MXD4: variants seen among roughly 807,000 people sequenced by gnomAD.
MXD4 encodes Mad4 homolog.
Under a neutral mutation model 24.5 loss-of-function variants are expected in MXD4, and 16 were observed. The observed-to-expected ratio is 0.65, with a 90% CI of 0.44 to 0.99. The LOEUF is 0.99. Ranked by LOEUF, MXD4 falls within the 50% of genes least tolerant of loss-of-function variation. The probability of loss-of-function intolerance (pLI) is 0.00; values close to 1 mark genes in which losing one functional copy is unlikely to be tolerated. For missense variants in MXD4, 301 were observed against 301.5 expected, an observed-to-expected ratio of 1.00 and a Z score of 0.01; for synonymous variants, 164 against 134.2, an observed-to-expected ratio of 1.22 and a Z score of -1.54.
intron 3 of MXD4, among the ~76,000 whole-genome samples, chr4:2,255,597 A>T (rs1449663015): frequency 5.3e-5 from 8 of 151,896 alleles, no homozygotes; most frequent in Admixed American, 5.2e-4. Context: ...GCTCCTGCTG[A>T]GCCCTCCCCT....
intron 2 of MXD4, among the ~76,000 whole-genome samples, chr4:2,258,600 G>GC (rs1261205732): frequency 2.0e-5 from 3 of 152,200 alleles, no homozygotes; most frequent in Non-Finnish European, 4.4e-5. Flanking sequence ...CAGAGACCAG[G>GC]CCCTCAGGAC....
chr4:2,251,354 G>C, intron 4 of MXD4, 108 bp from the exon 5 acceptor site: 6 of 1,329,688 alleles, frequency 4.5e-6, no homozygotes, highest in Middle Eastern at 5.2e-4. Flanking sequence ...CCCCATCCCT[G>C]CCAAGACCTA....
chr4:2,257,198 T>C (rs1434878680), intron 3 of MXD4, among the ~76,000 whole-genome samples: 1 of 152,046 alleles, frequency 6.6e-6, no homozygotes, highest in African/African-American at 2.4e-5. Context: ...ACCAAATCTT[T>C]CTGGAGGGGA....
intron 3 of MXD4, among the ~76,000 whole-genome samples, chr4:2,255,544 ACCCCTCTGAGCCATGAAG>A (rs1735408612): frequency 6.6e-6 from 1 of 150,408 alleles, no homozygotes; most frequent in Admixed American, 6.6e-5. Context: ...ATCCCCACCC[ACCCCTCTGAGCCATGAAG>A]CCCCTCAGCC....
At chr4:2,260,936 TCC>T in intron 2 of MXD4, among the ~76,000 whole-genome samples, 1 of 152,136 alleles carries the variant, frequency 6.6e-6, no homozygotes, top group East Asian at 1.9e-4. Flanking sequence ...GGGTCCCCAC[TCC>T]CCACGCGGGG....
intron 2 of MXD4, among the ~76,000 whole-genome samples, chr4:2,261,465 C>T (rs1735543233): frequency 6.6e-6 from 1 of 150,886 alleles, no homozygotes; most frequent in Admixed American, 6.6e-5. Flanking sequence ...CGGACCCCGG[C>T]GGCGGGCGCT....
intron 4 of MXD4, 28 bp downstream of exon 4, chr4:2,252,380 G>T (rs1735340872): frequency 3.2e-6 from 5 of 1,569,400 alleles, no homozygotes; most frequent in Non-Finnish European, 4.4e-6. Flanking sequence ...AGCCAGACAG[G>T]GCAGGGTGGA....
Position 2,249,449 on chromosome 4 carries a change from G to GT in MXD4, c.*1094dup, listed in dbSNP as rs60389931. Reference sequence around the variant, plus strand: ...TTAGGCTTTCTTCTTTTTAAAAATGGTTTTTTTTTTTTTTCTGGGAAAGCC... The same window carrying GT: ...TTAGGCTTTCTTCTTTTTAAAAATGGTTTTTTTTTTTTTTTCTGGGAAAGCC... On this transcript the variant is annotated 3_prime_UTR_variant, in exon 6 of 6. Transcript: ENST00000337190. 0.053 allele frequency: 7,769 copies of GT among 145,308 alleles called. 222 individuals carry two copies. Among genetic ancestry groups the GT allele is most frequent in the Non-Finnish European group, 0.066 (4,352 of 65,776 alleles). 9.0% of individuals were successfully genotyped at this position (145,308 alleles called of 1,614,324 possible). A position where few individuals can be genotyped will look rare whatever the true frequency, so the allele number is the denominator to read the frequency against.
At chr4:2,259,181 G>A (rs1471463798) in intron 2 of MXD4, 1 of 334,368 alleles carries the variant, frequency 3.0e-6, no homozygotes, top group Non-Finnish European at 6.0e-6. Flanking sequence ...GCCTGCTTCA[G>A]GAACTTGGGA....
chr4:2,257,879 G>C, intron 3 of MXD4, 103 bp downstream of exon 3: 1 of 1,468,944 alleles, frequency 6.8e-7, no homozygotes, highest in Non-Finnish European at 9.4e-7. Flanking sequence ...TGGCAGCACG[G>C]CTGGCCGTGC....
At chr4:2,254,568 G>C (rs571569518) in intron 3 of MXD4, 3 of 152,214 alleles carry the variant, frequency 2.0e-5, no homozygotes, top group Non-Finnish European at 4.4e-5. Context: ...ACACAGCTGA[G>C]AGACAAAGAA....
At chr4:2,256,505 C>T (rs904799514) in intron 3 of MXD4, among the ~76,000 whole-genome samples, 9 of 152,220 alleles carry the variant, frequency 5.9e-5, no homozygotes, top group African/African-American at 2.2e-4. Context: ...CAGCCAAGAG[C>T]AGCTGGCATC....
intron 2 of MXD4, chr4:2,258,972 G>T: frequency 2.2e-6 from 1 of 455,754 alleles, no homozygotes; most frequent in Non-Finnish European, 4.4e-6. Flanking sequence ...GAGGCAGGGG[G>T]ACCTCGCTCC....
chr4:2,259,910 C>T (rs977911980), intron 2 of MXD4, among the ~76,000 whole-genome samples: 1 of 152,204 alleles, frequency 6.6e-6, no homozygotes, highest in African/African-American at 2.4e-5. Flanking sequence ...ACACTGTCCT[C>T]CGGCCCCACT....
At chr4:2,252,368 G>A (rs1339309866) in intron 4 of MXD4, 40 bp downstream of exon 4, 5 of 1,531,422 alleles carry the variant, frequency 3.3e-6, no homozygotes, top group East Asian at 2.2e-5. Context: ...GGACACTGAG[G>A]CAGCCAGACA....
Position 2,251,160 on chromosome 4 carries a change from C to G in MXD4, c.396G>C (p.Gln132His), listed in dbSNP as rs2108788198. ...CGCGCTCCACGCTCTGCACCGACAG[C>G]TGCTCCAGGCGCCGCTTCAGGAAAC... Reference protein sequence around the residue: ...EHRFLKRRLEQLSVQSVERVR... With the variant: ...EHRFLKRRLEHLSVQSVERVR... Residue 132 changes from glutamine (Q) to histidine (H), a missense_variant, in exon 5 of 6, where the codon CAG becomes CAC. Physicochemically the swap from Gln to His is conservative, Grantham distance 24. Coordinates refer to ENST00000337190, the MANE Select transcript of MXD4 (RefSeq NM_006454.3). The G allele has an allele frequency of 1.9e-6, 3 of 1,600,784 alleles. No homozygotes were observed. The highest frequency in any genetic ancestry group is 4.5e-5 in the East Asian group (2 of 44,250).
intron 5 of MXD4, 93 bp downstream of exon 5, chr4:2,250,991 G>A: frequency 2.1e-6 from 3 of 1,409,984 alleles, no homozygotes; most frequent in Non-Finnish European, 2.8e-6. Flanking sequence ...GTTCTCCCCA[G>A]CCCCAGCACC....
chr4:2,261,739 CT>C lies in MXD4; in HGVS notation c.149del (p.Lys50ArgfsTer12). ...GGGGGCGGTACCTGTTGTTCGGGGC[CT>C]TGCGCACCAGGCCGGCCGCCTTTGT... is the stretch of plus-strand genomic sequence containing the variant. ...EKTKAAGLVR[K>X]APNNRSSHNE... On this transcript the variant is annotated frameshift_variant, in exon 2 of 6. Coordinates refer to ENST00000337190, the MANE Select transcript of MXD4 (RefSeq NM_006454.3). LOFTEE classifies it high-confidence loss of function. 1.4e-6 allele frequency: 2 copies of C among 1,415,114 alleles called. No individual in the cohort carries two copies. Among genetic ancestry groups the C allele is most frequent in the Non-Finnish European group, 9.3e-7 (1 of 1,077,024 alleles). 87.7% of individuals were successfully genotyped at this position (1,415,114 alleles called of 1,614,324 possible).
rs1281017563 is a variant in MXD4 at position 2,251,251 on chromosome 4, G to A, written c.310-5C>T. ...GCGGTCCTGCTCCTCCAGTTTCTGGGGTCGAGGGGGGCTGTGAGCTCACAG... is the reference window on the plus strand; with the variant it reads ...GCGGTCCTGCTCCTCCAGTTTCTGGAGTCGAGGGGGGCTGTGAGCTCACAG... On this transcript the variant is annotated splice_region_variant and splice_polypyrimidine_tract_variant and intron_variant, in intron 4 of 5. Transcript: ENST00000337190. The A allele has an allele frequency of 3.2e-6, 5 of 1,585,440 alleles. No individual in the cohort carries two copies. The highest frequency in any genetic ancestry group is 3.5e-5 in the Admixed American group (2 of 57,916).
Sources: allele counts gnomAD v4.1 joint callset (sites outside exome capture counted in the v4.1 genomes callset), GRCh38; gene constraint gnomAD v4.1.1; transcripts MANE v1.5; gene names NCBI Gene and HGNC (gene_info 2026-07-23, HGNC 2026-07-21).